TMEM272: variants seen among roughly 807,000 people sequenced by gnomAD.
TMEM272 encodes the protein long intergenic non-protein coding RNA 282.
TMEM272 carries 8 observed loss-of-function variants against 3.7 expected under a neutral mutation model. The observed-to-expected ratio is 2.17, with a 90% confidence interval of 1.27 to 3.91. TMEM272 has a LOEUF of 3.91. Ranked by LOEUF, TMEM272 falls within the 30% of genes most tolerant of loss-of-function variation. TMEM272 has a pLI of 0.00. For synonymous variants in TMEM272, 63 were observed against 39.8 expected (o/e 1.58, Z -2.20); for missense variants, 166 against 91.5 (o/e 1.81, Z -3.32).
chr13:51,839,576 G>A (rs998323272), intron 1 of TMEM272, among the ~76,000 whole-genome samples: 8 of 152,212 alleles, frequency 5.3e-5, no homozygotes, highest in Non-Finnish European at 8.8e-5. Flanking sequence ...TACTGCAGGG[G>A]TTTGCAAACC....
the TMEM272 span, among the ~76,000 whole-genome samples, chr13:51,905,458 C>T: frequency 6.6e-6 from 1 of 152,208 alleles, no homozygotes; most frequent in Admixed American, 6.5e-5. Flanking sequence ...CAGAGCAACC[C>T]AAGGGAAGCC....
chr13:51,889,176 C>G, the TMEM272 span, among the ~76,000 whole-genome samples: 12 of 152,052 alleles, frequency 7.9e-5, no homozygotes, highest in Non-Finnish European at 1.5e-4. Context: ...AGAAGAGTAT[C>G]TTTTTTATTT....
At chr13:51,897,362 A>ATTT in the TMEM272 span, among the ~76,000 whole-genome samples, 4,335 of 81,918 alleles carry the variant, frequency 0.053, 765 homozygotes, top group Non-Finnish European at 0.07. Context: ...TGTCTGGCTA[A>ATTT]TTTTTTTTTT....
the TMEM272 span, among the ~76,000 whole-genome samples, chr13:51,919,998 C>T: frequency 8.6e-5 from 13 of 151,824 alleles, no homozygotes; most frequent in Non-Finnish European, 1.5e-4. Flanking sequence ...CTTTCTATCA[C>T]CAGGCTCAGG....
chr13:51,898,580 TTAAAC>T, the TMEM272 span, among the ~76,000 whole-genome samples: 4 of 150,078 alleles, frequency 2.7e-5, no homozygotes, highest in Non-Finnish European at 5.9e-5. Flanking sequence ...AATGTAAGGG[TTAAAC>T]TAAACAATAT....
the TMEM272 span, among the ~76,000 whole-genome samples, chr13:51,865,178 C>T: frequency 6.6e-6 from 1 of 152,202 alleles, no homozygotes; most frequent in Non-Finnish European, 1.5e-5. Context: ...CCATGACCAC[C>T]CCACATGTTT....
At chr13:51,840,752 C>T (rs751706305) in intron 1 of TMEM272, among the ~76,000 whole-genome samples, 2 of 152,214 alleles carry the variant, frequency 1.3e-5, no homozygotes, top group Non-Finnish European at 2.9e-5. Context: ...AACTACTATT[C>T]AAATGTCTCT....
At chr13:51,878,113 G>A in the TMEM272 span, among the ~76,000 whole-genome samples, 4 of 152,182 alleles carry the variant, frequency 2.6e-5, no homozygotes, top group African/African-American at 9.7e-5. Flanking sequence ...GCCAAGCAAA[G>A]TGGGGGAAAC....
the TMEM272 span, chr13:51,910,111 T>G: frequency 9.5e-7 from 1 of 1,048,112 alleles, no homozygotes; most frequent in Non-Finnish European, 1.5e-6. Flanking sequence ...TGTATCTTTT[T>G]GGAAATATCT....
chr13:51,918,214 T>A, the TMEM272 span, among the ~76,000 whole-genome samples: 1 of 152,198 alleles, frequency 6.6e-6, no homozygotes, highest in South Asian at 2.1e-4. Context: ...CAGCAATGCC[T>A]TGGGGGTCAG....
At chr13:51,834,229 G>A (rs1355426360) in intron 2 of TMEM272, among the ~76,000 whole-genome samples, 4 of 152,150 alleles carry the variant, frequency 2.6e-5, no homozygotes, top group East Asian at 3.9e-4. Flanking sequence ...TAAAAGCACC[G>A]TCTACTACTA....
chr13:51,931,023 C>T, the TMEM272 span, among the ~76,000 whole-genome samples: 1 of 152,116 alleles, frequency 6.6e-6, no homozygotes, highest in Non-Finnish European at 1.5e-5. Flanking sequence ...CACAATTCTT[C>T]ACTAAGGTCT....
At position 51,816,611 on chromosome 13, in the gene TMEM272, C is replaced by A. The variant is rs1399483236; in HGVS notation, c.*140G>T. 3 of 583,690 alleles carry A rather than the reference C, an allele frequency of 5.1e-6. No individual in the cohort carries two copies. Among genetic ancestry groups the A allele is most frequent in the Non-Finnish European group, 9.2e-6 (3 of 327,164 alleles). 36.2% of individuals were successfully genotyped at this position (583,690 alleles called of 1,614,324 possible). ...GTGCCTTTGGGTGGCTTTTTAAATG[C>A]CTTCAGGGAAGGTTTTATTACCTTT... On this transcript the variant is annotated 3_prime_UTR_variant, in exon 5 of 5. Coordinates refer to ENST00000629372, the MANE Select transcript of TMEM272 (RefSeq NM_001351003.2).
At chr13:51,895,768 A>C in the TMEM272 span, among the ~76,000 whole-genome samples, 2 of 152,182 alleles carry the variant, frequency 1.3e-5, no homozygotes, top group South Asian at 4.2e-4. Flanking sequence ...TACAGCTACC[A>C]GTAGGGAGTG....
chr13:51,870,778 G>A, the TMEM272 span, among the ~76,000 whole-genome samples: 1 of 152,176 alleles, frequency 6.6e-6, no homozygotes, highest in African/African-American at 2.4e-5. Flanking sequence ...TAGCAGGCCA[G>A]GTGCTTCCTG....
the TMEM272 span, among the ~76,000 whole-genome samples, chr13:51,878,032 G>A: frequency 1.3e-5 from 2 of 152,202 alleles, no homozygotes; most frequent in African/African-American, 4.8e-5. Flanking sequence ...GGGCTGAGAA[G>A]GCCTCAGGAA....
the TMEM272 span, among the ~76,000 whole-genome samples, chr13:51,911,089 A>G: frequency 9.2e-5 from 14 of 152,306 alleles, no homozygotes; most frequent in African/African-American, 3.4e-4. Flanking sequence ...TAACTGAAAT[A>G]CCTGCCACCT....
chr13:51,909,748 C>T, the TMEM272 span: 1 of 1,559,596 alleles, frequency 6.4e-7, no homozygotes, highest in East Asian at 2.3e-5. Flanking sequence ...ATTTCTAATT[C>T]CAAGTTACCA....
the TMEM272 span, chr13:51,909,704 A>T: frequency 1.5e-5 from 23 of 1,553,314 alleles, no homozygotes; most frequent in Non-Finnish European, 2.0e-5. Flanking sequence ...TTGGAGGATT[A>T]TCTAAGTAAG....
Sources: gnomAD v4.1 joint callset for allele counts (sites outside exome capture counted in the v4.1 genomes callset) on GRCh38, gnomAD v4.1.1 for gene constraint, MANE v1.5 for transcripts, NCBI Gene and HGNC (gene_info 2026-07-23, HGNC 2026-07-21) for gene names.